PPP2R5D: variants seen among roughly 807,000 people sequenced by gnomAD.
The protein encoded by PPP2R5D is protein phosphatase 2 regulatory subunit B'delta.
In PPP2R5D, 12 loss-of-function variants were observed where a neutral mutation model predicts 79.1. That is an observed-to-expected ratio of 0.15 (90% CI 0.10 to 0.25). PPP2R5D has a LOEUF of 0.25. Among genes scored for constraint, PPP2R5D ranks in the 10% least tolerant of loss-of-function variants. The pLI is 1.00. For missense variants in PPP2R5D, 419 were observed against 760.2 expected (o/e 0.55, Z 5.28); for synonymous variants, 277 against 286.6 (o/e 0.97, Z 0.34).
intron 2 of PPP2R5D, among the ~76,000 whole-genome samples, chr6:43,005,129 T>C (rs1761999584): frequency 6.6e-6 from 1 of 151,710 alleles, no homozygotes; most frequent in Admixed American, 6.6e-5. Flanking sequence ...TTAAAAGTAT[T>C]TGTGCACAAA....
In PPP2R5D at chr6:43,011,354, T is replaced by C; in HGVS notation, c.*68T>C. On this transcript the variant is annotated 3_prime_UTR_variant, in exon 16 of 16. Coordinates refer to ENST00000485511, the MANE Select transcript of PPP2R5D (RefSeq NM_006245.4). ...GGGACACTGCCCTGGCCCTCCATAC[T>C]CTGCTCCCTACTGGCTGTCTTGGGG... 6.3e-7 allele frequency: 1 copy of C among 1,595,214 alleles called. No individual in the cohort carries two copies. Among genetic ancestry groups the C allele is most frequent in the Non-Finnish European group, 8.6e-7 (1 of 1,168,896 alleles).
rs1028750467 is a variant in PPP2R5D at position 43,007,746 on chromosome 6, G to C, written c.727-189G>C. 6.6e-6 allele frequency among the ~76,000 whole-genome samples: 1 copy of C among 152,184 alleles called. No individual in the cohort carries two copies. The highest frequency in any genetic ancestry group is 1.5e-5 in the Non-Finnish European group (1 of 68,040). On this transcript the variant is annotated intron_variant, in intron 6 of 15. Coordinates refer to ENST00000485511, the MANE Select transcript of PPP2R5D (RefSeq NM_006245.4). The surrounding 1 kb of genome is among the most constrained non-coding windows in gnomAD (Gnocchi z 4.5). The stretch of plus-strand genomic sequence containing the variant: ...GTACCTCTCTCAGGTCAATAGTGAG[G>C]CATCACTTTGGAAGTCTCAGTACAA...
chr6:42,985,723 G>C (rs928137559), intron 1 of PPP2R5D, among the ~76,000 whole-genome samples: 3 of 150,004 alleles, frequency 2.0e-5, no homozygotes, highest in African/African-American at 7.4e-5. Context: ...CTGCAGGCCA[G>C]CCACCCCTGA....
intron 2 of PPP2R5D, among the ~76,000 whole-genome samples, chr6:42,994,097 A>C (rs1771464804): frequency 6.6e-6 from 1 of 151,662 alleles, no homozygotes; most frequent in Non-Finnish European, 1.5e-5. Flanking sequence ...ACCTGAGGTC[A>C]GGAGTTCGAG....
Position 43,008,134 on chromosome 6 carries a change from G to A in PPP2R5D, c.858-67G>A. 6.2e-7 allele frequency: 1 copy of A among 1,613,814 alleles called. No individual in the cohort carries two copies. Among genetic ancestry groups the A allele is most frequent in the Non-Finnish European group, 8.5e-7 (1 of 1,179,780 alleles). On this transcript the variant is annotated intron_variant, in intron 7 of 15. Transcript: ENST00000485511. This position sits in a 1 kb window ranked among gnomAD's most constrained non-coding sequence, Gnocchi z 4.2. Reference sequence around the variant, plus strand: ...TGAGGTGGGGTGGGAGCAGGGAGGTGGGGGGACTGTACAGAATGCTGGAGG... The same window carrying A: ...TGAGGTGGGGTGGGAGCAGGGAGGTAGGGGGACTGTACAGAATGCTGGAGG...
In PPP2R5D at chr6:43,008,448, C is replaced by G. The variant is rs115577316; in HGVS notation, c.999C>G (p.Val333=). 66 of 1,613,544 alleles carry G rather than the reference C, an allele frequency of 4.1e-5. No individual in the cohort carries two copies. The East Asian group carries it at 1.3e-3, about 32-fold the overall frequency. The part of the protein sequence containing the change: ...LIRVLLPLHK[V]KSLSVYHPQL... Reference sequence around the variant, plus strand: ...GTGTCCTACTTCCCCTTCACAAGGTCAAGTCCCTGAGTGTCTACCACCCTC... The same window carrying G: ...GTGTCCTACTTCCCCTTCACAAGGTGAAGTCCCTGAGTGTCTACCACCCTC... The change falls in exon 9 of 16, where the codon GTC becomes GTG. Residue 333 remains valine (V), a synonymous_variant. Transcript: ENST00000485511. This position sits in a 1 kb window ranked among gnomAD's most constrained non-coding sequence, Gnocchi z 4.2.
chr6:43,012,332 G>A lies in PPP2R5D; in HGVS notation c.*1046G>A. On this transcript the variant is annotated 3_prime_UTR_variant, in exon 16 of 16. Coordinates refer to ENST00000485511, the MANE Select transcript of PPP2R5D (RefSeq NM_006245.4). ...ATATGTACAGAACTGAATAAAGTGG[G>A]TCTCTGAGAAGTCTGATGTGCCTTG... 8 of 1,471,946 alleles carry A rather than the reference G, an allele frequency of 5.4e-6. No individual in the cohort carries two copies. Among genetic ancestry groups the A allele is most frequent in the Non-Finnish European group, 6.3e-6 (7 of 1,112,400 alleles). 91.2% of individuals were successfully genotyped at this position (1,471,946 alleles called of 1,614,324 possible). A position where few individuals can be genotyped will look rare whatever the true frequency, so the allele number is the denominator to read the frequency against.
intron 2 of PPP2R5D, among the ~76,000 whole-genome samples, chr6:43,005,625 TG>T (rs201559962): frequency 0.02 from 3,033 of 151,438 alleles, 43 homozygotes; most frequent in Non-Finnish European, 0.031. Flanking sequence ...CCTTTTGTTT[TG>T]TTTTTTTTTT....
chr6:42,984,927 C>A (rs1162359873), intron 1 of PPP2R5D, among the ~76,000 whole-genome samples: 1 of 149,618 alleles, frequency 6.7e-6, no homozygotes, highest in Middle Eastern at 3.2e-3. Context: ...CCCACATACA[C>A]CTCCCTCCCT....
At chr6:42,987,785 ACGTC>A (rs1770963111) in intron 1 of PPP2R5D, among the ~76,000 whole-genome samples, 1 of 152,148 alleles carries the variant, frequency 6.6e-6, no homozygotes, top group Admixed American at 6.5e-5. Context: ...TTTGAAAGAT[ACGTC>A]TGAGGCATCA....
chr6:42,986,127 G>A (rs1770826794), intron 1 of PPP2R5D, among the ~76,000 whole-genome samples: 1 of 152,016 alleles, frequency 6.6e-6, no homozygotes, highest in Non-Finnish European at 1.5e-5. Flanking sequence ...ATCTACCTCG[G>A]TGCTGCCTTC....
chr6:43,007,999 G>A lies in PPP2R5D; in HGVS notation c.791G>A (p.Arg264His), dbSNP rs764831855. 5.6e-6 allele frequency: 9 copies of A among 1,614,004 alleles called. No individual in the cohort carries two copies. Among genetic ancestry groups the A allele is most frequent in the East Asian group, 2.2e-5 (1 of 44,892 alleles). ...ERDFLKTILH[R>H]IYGKFLGLRA... is the part of the protein sequence containing the mutation. Reference sequence around the variant, plus strand: ...GACTTCCTCAAGACCATTTTGCATCGCATCTATGGCAAGTTTTTGGGGCTC... The same window carrying A: ...GACTTCCTCAAGACCATTTTGCATCACATCTATGGCAAGTTTTTGGGGCTC... Residue 264 changes from arginine (R) to histidine (H), a missense_variant, in exon 7 of 16, where the codon CGC (arginine) becomes CAC (histidine). Around this residue, in one of 5 missense-constraint regions of PPP2R5D, gnomAD observed 196 missense variants for 424.5 expected, o/e 0.46. Coordinates refer to ENST00000485511, the MANE Select transcript of PPP2R5D (RefSeq NM_006245.4). This position sits in a 1 kb window ranked among gnomAD's most constrained non-coding sequence, Gnocchi z 4.5.
chr6:42,986,275 C>T (rs1231650299), intron 1 of PPP2R5D, among the ~76,000 whole-genome samples: 4 of 152,176 alleles, frequency 2.6e-5, no homozygotes, highest in Non-Finnish European at 5.9e-5. Context: ...CCCAGCTTCT[C>T]CTCTCCTGGG....
Position 42,991,727 on chromosome 6 carries a change from G to C in PPP2R5D, c.105+2039G>C, listed in dbSNP as rs141568965. ...CACATTAGAGCTGAAAAGGACCTTAGGGTCTAACGTTATCAGTTCATAGAT... is the reference window on the plus strand; with the variant it reads ...CACATTAGAGCTGAAAAGGACCTTACGGTCTAACGTTATCAGTTCATAGAT... On this transcript the variant is annotated intron_variant, in intron 2 of 15. Coordinates refer to ENST00000485511, the MANE Select transcript of PPP2R5D (RefSeq NM_006245.4). Among the ~76,000 whole-genome samples the C allele has an allele frequency of 8.5e-4, 129 of 152,328 alleles. 1 individual carries two copies. Among genetic ancestry groups the C allele is most frequent in the African/African-American group, 2.9e-3 (122 of 41,566 alleles).
rs372650158 is a variant in PPP2R5D at position 43,000,225 on chromosome 6, C to T, written c.106-6238C>T. Among the ~76,000 whole-genome samples, 13 of 130,770 alleles carry T rather than the reference C, an allele frequency of 9.9e-5. No individual in the cohort carries two copies. The South Asian group carries it at 2.9e-3, about 29-fold the overall frequency. 85.8% of individuals were successfully genotyped at this position (130,770 alleles called of 152,430 possible). A position where few individuals can be genotyped will look rare whatever the true frequency, so the allele number is the denominator to read the frequency against. On this transcript the variant is annotated intron_variant, in intron 2 of 15. Transcript: ENST00000485511. ...CTGGGATTACAGGCGTGAGCCACCA[C>T]GTCTGGCCACCTTTTTTTTTTTTTT...
chr6:43,008,397 A>G lies in PPP2R5D; in HGVS notation c.948A>G (p.Lys316=). The G allele has an allele frequency of 1.2e-6, 2 of 1,614,150 alleles. No homozygotes were observed. The highest frequency in any genetic ancestry group is 1.7e-6 in the Non-Finnish European group (2 of 1,180,008). Residue 316 remains lysine (K), a synonymous_variant, in exon 9 of 16, where the codon AAA becomes AAG. Coordinates refer to ENST00000485511, the MANE Select transcript of PPP2R5D (RefSeq NM_006245.4). The surrounding 1 kb of genome is among the most constrained non-coding windows in gnomAD (Gnocchi z 4.2). ...SIINGFALPL[K]EEHKMFLIRV... is the part of the protein sequence containing the mutation. ...TCAATGGCTTTGCCCTGCCCCTTAA[A>G]GAAGAGCACAAGATGTTCCTCATCC...
rs1181638701 is a variant in PPP2R5D, at chr6:43,009,635, A to T, written c.1379+186A>T. Among the ~76,000 whole-genome samples, 2 of 152,290 alleles carry T rather than the reference A, an allele frequency of 1.3e-5. No individual in the cohort carries two copies. Among genetic ancestry groups the T allele is most frequent in the African/African-American group, 4.8e-5 (2 of 41,564 alleles). On this transcript the variant is annotated intron_variant, in intron 12 of 15. Transcript: ENST00000485511. This position sits in a 1 kb window ranked among gnomAD's most constrained non-coding sequence, Gnocchi z 5.6. ...GATGCCTGTGTGCAAGATCTCTGTGATACCAAACAGCAGGGCAGCGGCCTG... is the reference window on the plus strand; with the variant it reads ...GATGCCTGTGTGCAAGATCTCTGTGTTACCAAACAGCAGGGCAGCGGCCTG...
rs903213205 is a variant in PPP2R5D at position 43,011,527 on chromosome 6, G to A, written c.*241G>A. Reference sequence around the variant, plus strand: ...TGAGCACTAAGATGCTTAGTGCTCAGACAACCTGGGGATGCCTGTCCCCTA... The same window carrying A: ...TGAGCACTAAGATGCTTAGTGCTCAAACAACCTGGGGATGCCTGTCCCCTA... On this transcript the variant is annotated 3_prime_UTR_variant, in exon 16 of 16. Transcript: ENST00000485511. 1.6e-5 allele frequency: 9 copies of A among 560,792 alleles called. No individual in the cohort carries two copies. Among genetic ancestry groups the A allele is most frequent in the Non-Finnish European group, 2.5e-5 (8 of 317,544 alleles). 34.7% of individuals were successfully genotyped at this position (560,792 alleles called of 1,614,324 possible).
At chr6:43,001,746 G>A (rs1023741908) in intron 2 of PPP2R5D, among the ~76,000 whole-genome samples, 4 of 151,842 alleles carry the variant, frequency 2.6e-5, no homozygotes, top group South Asian at 4.2e-4. Context: ...AATTAGCCGG[G>A]CGTGGTGGCA....
Sources: allele counts gnomAD v4.1 joint callset (sites outside exome capture counted in the v4.1 genomes callset), GRCh38; gene constraint gnomAD v4.1.1; regional missense constraint gnomAD v4.1.1; non-coding constraint Gnocchi (gnomAD v3.1); transcripts MANE v1.5; gene names NCBI Gene and HGNC (gene_info 2026-07-23, HGNC 2026-07-21).